LRRC9: variants seen among roughly 807,000 people sequenced by gnomAD.
The protein encoded by LRRC9 is leucine-rich repeat-containing protein 9.
LRRC9 carries 122 observed loss-of-function variants against 63.2 expected under a neutral mutation model. The observed-to-expected ratio is 1.93, with a 90% CI of 1.67 to 2.24. The LOEUF (loss-of-function observed/expected upper bound fraction) is 2.24. Ranked by LOEUF, LRRC9 falls within the 30% of genes most tolerant of loss-of-function variation. The pLI, the probability that LRRC9 is intolerant of heterozygous loss-of-function variation, is 0.00. For synonymous variants in LRRC9, 366 were observed against 213.1 expected, an observed-to-expected ratio of 1.72 and a Z score of -6.25; for missense variants, 1,071 against 627.7, an observed-to-expected ratio of 1.71 and a Z score of -7.55.
In LRRC9 at chr14:59,942,207, G is replaced by GAT. The variant is rs886413598; in HGVS notation, c.727-2371_727-2370dup. 9.9e-5 allele frequency among the ~76,000 whole-genome samples: 15 copies of GAT among 151,930 alleles called. No homozygotes were observed. Among genetic ancestry groups the GAT allele is most frequent in the Admixed American group, 2.6e-4 (4 of 15,226 alleles). On this transcript the variant is annotated intron_variant, in intron 7 of 31. Coordinates refer to ENST00000445360, the Ensembl canonical transcript of LRRC9. The surrounding 1 kb of genome is among the most constrained non-coding windows in gnomAD (Gnocchi z 5.3). ...ATACACATATGTGTGTGTGTAATGT[G>GAT]ATATATATATATTACATTTTCTTTA...
At chr14:59,929,371 G>C (rs1482068291) in intron 3 of LRRC9, among the ~76,000 whole-genome samples, 1 of 151,686 alleles carries the variant, frequency 6.6e-6, no homozygotes, top group African/African-American at 2.4e-5. Context: ...ATCACACTGA[G>C]ATACTATCTC....
intron 12 of LRRC9, chr14:59,973,346 G>A (rs219320): frequency 0.74 from 112,688 of 151,904 alleles, 44,077 homozygotes; most frequent in Non-Finnish European, 0.87. Context: ...GCCTTACAAT[G>A]CCCTGCACGT....
intron 6 of LRRC9, among the ~76,000 whole-genome samples, chr14:59,937,195 T>TAAAAA (rs755193026): frequency 1.1e-5 from 1 of 89,472 alleles, no homozygotes; most frequent in African/African-American, 4.0e-5. Flanking sequence ...ATGTTTTCTG[T>TAAAAA]AAAAAAAAAA....
chr14:59,993,063 T>C (rs1888333506), intron 17 of LRRC9, among the ~76,000 whole-genome samples: 1 of 152,072 alleles, frequency 6.6e-6, no homozygotes, highest in African/African-American at 2.4e-5. Flanking sequence ...GAGAGAAAGG[T>C]CGGGTTACCC....
chr14:60,062,630 T>C (rs1246232399), intron 31 of LRRC9, among the ~76,000 whole-genome samples: 1 of 152,256 alleles, frequency 6.6e-6, no homozygotes, highest in Non-Finnish European at 1.5e-5. Context: ...AAATTCCTAC[T>C]TGCCTCCTTC....
chr14:60,018,928 A>T (rs1174666993), intron 25 of LRRC9, among the ~76,000 whole-genome samples, 193 bp from the exon 26 acceptor site: 1 of 151,944 alleles, frequency 6.6e-6, no homozygotes, highest in Non-Finnish European at 1.5e-5. Flanking sequence ...TAGGGTCTCC[A>T]TGTGAAGTAC....
Position 60,042,590 on chromosome 14 carries a change from C to G in LRRC9, c.3991-10475C>G, listed in dbSNP as rs1412232776. Among the ~76,000 whole-genome samples the G allele has an allele frequency of 6.6e-6, 1 of 152,192 alleles. No homozygotes were observed. The highest frequency in any genetic ancestry group is 1.5e-5 in the Non-Finnish European group (1 of 68,038). ...TCTCCTGTTGTGCCGTTTGCTAAGA[C>G]CATTGGAAAAGCACAGTATTAGGCT... On this transcript the variant is annotated intron_variant, in intron 29 of 31. Coordinates refer to ENST00000445360, the Ensembl canonical transcript of LRRC9. This position sits in a 1 kb window ranked among gnomAD's most constrained non-coding sequence, Gnocchi z 4.2.
chr14:59,938,924 TATATAC>T lies in LRRC9; in HGVS notation c.726+354_726+359del, dbSNP rs1197837457. ...ATATACATATATACACATATGCATATATATACACATATATACATATACATACATATA... is the reference window on the plus strand; with the variant it reads ...ATATACATATATACACATATGCATATACATATATACATATACATACATATA... On this transcript the variant is annotated intron_variant, in intron 7 of 31. Transcript: ENST00000445360. The surrounding 1 kb of genome is among the most constrained non-coding windows in gnomAD (Gnocchi z 4.2). Among the ~76,000 whole-genome samples the T allele has an allele frequency of 4.1e-4, 52 of 127,550 alleles. No homozygotes were observed. The Middle Eastern group carries it at 0.014, about 35-fold the overall frequency. The allele number at this position is 127,550 out of a possible 152,430, so 83.7% of individuals were successfully genotyped here. A position where few individuals can be genotyped will look rare whatever the true frequency, so the allele number is the denominator to read the frequency against.
At position 59,997,596 on chromosome 14, in the gene LRRC9, C is replaced by T. The variant is rs1470566949; in HGVS notation, c.2212-60C>T. ...AAGTATGTAAAGAACCACAGAGAAACTATTTTGTAAATACAAATTATGATT... is the reference window on the plus strand; with the variant it reads ...AAGTATGTAAAGAACCACAGAGAAATTATTTTGTAAATACAAATTATGATT... On this transcript the variant is annotated intron_variant, in intron 17 of 31. Transcript: ENST00000445360. The T allele has an allele frequency of 1.3e-5, 8 of 616,476 alleles. No individual in the cohort carries two copies. The Admixed American group carries it at 1.4e-4, about 10-fold the overall frequency. The allele number at this position is 616,476 out of a possible 1,614,324, so 38.2% of individuals were successfully genotyped here. A position where few individuals can be genotyped will look rare whatever the true frequency, so the allele number is the denominator to read the frequency against.
chr14:59,933,071 C>A (rs975769770), intron 6 of LRRC9, among the ~76,000 whole-genome samples: 1 of 152,126 alleles, frequency 6.6e-6, no homozygotes, highest in South Asian at 2.1e-4. Flanking sequence ...AATCTTATGG[C>A]CTTTGCACTT....
At chr14:60,010,258 G>T (rs139190580) in intron 23 of LRRC9, among the ~76,000 whole-genome samples, 2 of 152,304 alleles carry the variant, frequency 1.3e-5, no homozygotes, top group Non-Finnish European at 2.9e-5. Context: ...TCTAGGTGGA[G>T]GTTCCCAAAC....
chr14:59,919,952 C>T lies in LRRC9; in HGVS notation c.-34+69C>T, dbSNP rs1203740178. On this transcript the variant is annotated intron_variant, in intron 1 of 31. Coordinates refer to ENST00000445360, the Ensembl canonical transcript of LRRC9. The surrounding 1 kb of genome is among the most constrained non-coding windows in gnomAD (Gnocchi z 4.5). ...AGAAGCTCCCGCCGTTTCCCAGGAG[C>T]CCCAGGTGGGGTCTTCCGGTTGGAC... 6.6e-6 allele frequency: 1 copy of T among 152,282 alleles called. No individual in the cohort carries two copies. The highest frequency in any genetic ancestry group is 2.4e-5 in the African/African-American group (1 of 41,476). 9.4% of individuals were successfully genotyped at this position (152,282 alleles called of 1,614,324 possible). A position where few individuals can be genotyped will look rare whatever the true frequency, so the allele number is the denominator to read the frequency against.
At chr14:60,015,074 C>T (rs1890568537) in intron 23 of LRRC9, among the ~76,000 whole-genome samples, 1 of 152,082 alleles carries the variant, frequency 6.6e-6, no homozygotes, top group Admixed American at 6.6e-5. Flanking sequence ...TATTGAGTCC[C>T]TATCCATTGC....
Position 59,964,531 on chromosome 14 carries a change from A to G in LRRC9, c.1212-2058A>G, listed in dbSNP as rs1884643004. 6.6e-6 allele frequency among the ~76,000 whole-genome samples: 1 copy of G among 152,144 alleles called. No homozygotes were observed. The highest frequency in any genetic ancestry group is 1.5e-5 in the Non-Finnish European group (1 of 68,006). On this transcript the variant is annotated intron_variant, in intron 10 of 31. Coordinates refer to ENST00000445360, the Ensembl canonical transcript of LRRC9. The surrounding 1 kb of genome is among the most constrained non-coding windows in gnomAD (Gnocchi z 4.4). ...TGGGGAACCAGCCTAGGAGCTAGGT[A>G]TTGTTTATTCATTCCTTCCACCCAT...
At chr14:60,044,659 T>C (rs1893254836) in intron 29 of LRRC9, among the ~76,000 whole-genome samples, 1 of 152,186 alleles carries the variant, frequency 6.6e-6, no homozygotes, top group Admixed American at 6.5e-5. Context: ...AGATACTTGA[T>C]ATTATTTGTT....
intron 15 of LRRC9, among the ~76,000 whole-genome samples, chr14:59,981,509 C>G (rs1886925611): frequency 6.6e-6 from 1 of 152,238 alleles, no homozygotes; most frequent in Admixed American, 6.5e-5. Context: ...ATTTTTTAGC[C>G]AGAGGTTACA....
intron 29 of LRRC9, among the ~76,000 whole-genome samples, chr14:60,033,721 T>A (rs1892181383): frequency 1.3e-5 from 2 of 152,088 alleles, no homozygotes; most frequent in South Asian, 4.1e-4. Context: ...AATTTTATCT[T>A]CTTTTAGTAT....
exon 8 of LRRC9, chr14:59,944,626 G>A (rs770890081): frequency 2.6e-5 from 17 of 646,056 alleles, no homozygotes; most frequent in Middle Eastern, 2.5e-4. Context: ...TATAATATGC[G>A]TATAAAAACT....
chr14:60,017,539 G>T lies in LRRC9; in HGVS notation c.3317+749G>T, dbSNP rs1175770923. 6.6e-6 allele frequency among the ~76,000 whole-genome samples: 1 copy of T among 152,056 alleles called. No individual in the cohort carries two copies. The highest frequency in any genetic ancestry group is 1.9e-4 in the East Asian group (1 of 5,174). ...TGATAGAGATGCTAACTCTATCACA[G>T]CAATTCTCCTCTTTATTTTTATTTT... is the stretch of plus-strand genomic sequence containing the variant. On this transcript the variant is annotated intron_variant, in intron 24 of 31. Transcript: ENST00000445360. The surrounding 1 kb of genome is among the most constrained non-coding windows in gnomAD (Gnocchi z 4.0).
Sources: gnomAD v4.1 joint callset for allele counts (sites outside exome capture counted in the v4.1 genomes callset) on GRCh38, gnomAD v4.1.1 for gene constraint, Gnocchi (gnomAD v3.1) non-coding constraint, MANE v1.5 for transcripts, NCBI Gene and HGNC (gene_info 2026-07-23, HGNC 2026-07-21) for gene names.